The following CDH13 variants were observed in gnomAD, a reference collection of about 807,000 sequenced individuals.
CDH13 encodes cadherin-13.
A neutral mutation model predicts 63.8 loss-of-function variants in CDH13; 24 were observed. That is an observed-to-expected ratio of 0.38 (90% CI 0.27 to 0.53). CDH13 has a LOEUF of 0.53. Ranked by LOEUF, CDH13 falls within the 20% of genes least tolerant of loss-of-function variation. The probability of loss-of-function intolerance (pLI) is 0.85; values close to 1 mark genes in which losing one functional copy is unlikely to be tolerated. For synonymous variants in CDH13, 503 were observed against 355.3 expected, an observed-to-expected ratio of 1.42 and a Z score of -4.67; for missense variants, 1,049 against 903.1, an observed-to-expected ratio of 1.16 and a Z score of -2.07.
chr16:83,783,193 C>T (rs1025714418), intron 12 of CDH13, 61 bp from the exon 13 acceptor site: 32 of 1,163,516 alleles, frequency 2.8e-5, no homozygotes, highest in East Asian at 1.7e-4. Flanking sequence ...TCACCAAAAC[C>T]TCACTCTTTT....
chr16:82,676,871 T>TTTTTTTG (rs1555532430), intron 1 of CDH13, among the ~76,000 whole-genome samples: 1 of 149,392 alleles, frequency 6.7e-6, no homozygotes, highest in Non-Finnish European at 1.5e-5. Context: ...GTTTCTTTGT[T>TTTTTTTG]TTTTGTTTTG....
At chr16:83,024,710 C>T (rs1363800425) in intron 2 of CDH13, among the ~76,000 whole-genome samples, 12 of 152,194 alleles carry the variant, frequency 7.9e-5, no homozygotes, top group Admixed American at 7.9e-4. Flanking sequence ...AATGTCATTA[C>T]TTTAGGAAAA....
At chr16:83,654,710 T>C (rs940968188) in intron 8 of CDH13, 2 of 152,222 alleles carry the variant, frequency 1.3e-5, no homozygotes, top group African/African-American at 4.8e-5. Context: ...TCCAGGCAAA[T>C]ATACTCAAAA....
chr16:83,760,201 A>G (rs1913851422), intron 11 of CDH13, among the ~76,000 whole-genome samples: 1 of 152,230 alleles, frequency 6.6e-6, no homozygotes, highest in African/African-American at 2.4e-5. Flanking sequence ...TGAAAAGATG[A>G]AAAATACCCA....
intron 2 of CDH13, among the ~76,000 whole-genome samples, chr16:82,951,796 C>T (rs1905333030): frequency 6.6e-6 from 1 of 152,188 alleles, no homozygotes; most frequent in Non-Finnish European, 1.5e-5. Flanking sequence ...TAAATTCACA[C>T]ACGGGCTCAG....
At chr16:83,131,052 G>A (rs1293964012) in intron 4 of CDH13, among the ~76,000 whole-genome samples, 1 of 152,112 alleles carries the variant, frequency 6.6e-6, no homozygotes, top group Non-Finnish European at 1.5e-5. Context: ...TTAGTTGGTT[G>A]GTAAGTAGCT....
In CDH13 at chr16:83,486,372, G is replaced by T. The variant is rs1350131423; in HGVS notation, c.782-105G>T. 1.7e-5 allele frequency: 14 copies of T among 816,330 alleles called. No homozygotes were observed. In the East Asian group the frequency reaches 3.4e-4, roughly 20 times the overall value. The allele number at this position is 816,330 out of a possible 1,614,324, so 50.6% of individuals were successfully genotyped here. A position where few individuals can be genotyped will look rare whatever the true frequency, so the allele number is the denominator to read the frequency against. On this transcript the variant is annotated intron_variant, in intron 6 of 13. Coordinates refer to ENST00000567109, the MANE Select transcript of CDH13 (RefSeq NM_001257.5). The stretch of plus-strand genomic sequence containing the variant: ...ATACTTTTCTTTTTTAATTTGGAAA[G>T]TGATGGGCACACTGCTGCACTGCTA...
chr16:83,783,206 TG>T, intron 12 of CDH13, 47 bp from the exon 13 acceptor site: 2 of 1,317,792 alleles, frequency 1.5e-6, no homozygotes, highest in Non-Finnish European at 2.2e-6. Flanking sequence ...ACTCTTTTAT[TG>T]GAAAAAGTCT....
chr16:83,184,028 G>A (rs2038431284), intron 4 of CDH13, among the ~76,000 whole-genome samples: 1 of 151,238 alleles, frequency 6.6e-6, no homozygotes, highest in Non-Finnish European at 1.5e-5. Context: ...TTGTAGAGGG[G>A]GCAGACTGAG....
intron 3 of CDH13, among the ~76,000 whole-genome samples, chr16:83,109,283 C>T (rs781242816): frequency 2.6e-5 from 4 of 151,996 alleles, no homozygotes; most frequent in Non-Finnish European, 4.4e-5. Flanking sequence ...GGCAACCGCT[C>T]GTGAGTGCAG....
chr16:82,969,259 TCTGCTA>T (rs745674195), intron 2 of CDH13, among the ~76,000 whole-genome samples: 5 of 152,224 alleles, frequency 3.3e-5, no homozygotes, highest in Non-Finnish European at 7.3e-5. Flanking sequence ...ACTAGTAAAC[TCTGCTA>T]CTGTATATCT....
intron 3 of CDH13, among the ~76,000 whole-genome samples, chr16:83,114,814 C>G (rs1052772118): frequency 6.6e-6 from 1 of 152,168 alleles, no homozygotes; most frequent in African/African-American, 2.4e-5. Flanking sequence ...CCAGGTACTT[C>G]AAAGCTGGCT....
At chr16:83,197,949 A>G (rs1283507713) in intron 4 of CDH13, among the ~76,000 whole-genome samples, 1 of 152,198 alleles carries the variant, frequency 6.6e-6, no homozygotes, top group African/African-American at 2.4e-5. Flanking sequence ...AACTGGGTAA[A>G]AGAGTATTTT....
At chr16:83,235,256 C>T (rs959457720) in intron 5 of CDH13, among the ~76,000 whole-genome samples, 2 of 152,156 alleles carry the variant, frequency 1.3e-5, no homozygotes, top group South Asian at 2.1e-4. Flanking sequence ...TGCAGGGAAG[C>T]ACCCTCCAAT....
At chr16:83,431,489 C>T (rs2072107729) in intron 6 of CDH13, among the ~76,000 whole-genome samples, 1 of 151,926 alleles carries the variant, frequency 6.6e-6, no homozygotes, top group African/African-American at 2.4e-5. Context: ...TCCGTTCTTG[C>T]ATGGCTATAA....
intron 10 of CDH13, among the ~76,000 whole-genome samples, chr16:83,722,682 C>T (rs1294537686): frequency 6.6e-6 from 1 of 152,170 alleles, no homozygotes; most frequent in Non-Finnish European, 1.5e-5. Context: ...GTTGTCTGTC[C>T]CACACCCTCG....
chr16:82,648,658 T>C (rs1295000638), intron 1 of CDH13, among the ~76,000 whole-genome samples: 1 of 152,208 alleles, frequency 6.6e-6, no homozygotes, highest in Non-Finnish European at 1.5e-5. Flanking sequence ...ATTTTGTTCA[T>C]GCGTTGGGAT....
intron 2 of CDH13, among the ~76,000 whole-genome samples, chr16:83,004,094 A>G (rs1056938575): frequency 1.3e-5 from 2 of 152,096 alleles, no homozygotes; most frequent in Non-Finnish European, 2.9e-5. Flanking sequence ...TGATAAGGAA[A>G]TTTTCTTGGG....
At chr16:83,164,578 A>C (rs1229577337) in intron 4 of CDH13, among the ~76,000 whole-genome samples, 1 of 151,886 alleles carries the variant, frequency 6.6e-6, no homozygotes, top group Non-Finnish European at 1.5e-5. Context: ...GAAATTAGCC[A>C]GGCATGGTGG....
Sources: gnomAD v4.1 joint callset for allele counts (sites outside exome capture counted in the v4.1 genomes callset) on GRCh38, gnomAD v4.1.1 for gene constraint, MANE v1.5 for transcripts, NCBI Gene and HGNC (gene_info 2026-07-23, HGNC 2026-07-21) for gene names.